Variants in ZNF280D observed in about 807,000 individuals in gnomAD.
The protein encoded by ZNF280D is zinc finger protein 280D.
A neutral mutation model predicts 94.7 loss-of-function variants in ZNF280D; 39 were observed. The ratio of observed to expected loss-of-function variants is 0.41; its 90% confidence interval spans 0.32 to 0.54. The LOEUF (loss-of-function observed/expected upper bound fraction) is 0.54, where lower values mean the gene tolerates loss of function less well. ZNF280D is among the 20% of genes least tolerant of loss of function. The pLI is 0.22. For missense variants in ZNF280D, 1,090 were observed against 1,149.3 expected (o/e 0.95, Z 0.75); for synonymous variants, 398 against 377.6 (o/e 1.05, Z -0.63).
At chr15:56,671,534 T>C (rs1026107464) in intron 13 of ZNF280D, among the ~76,000 whole-genome samples, 5 of 152,150 alleles carry the variant, frequency 3.3e-5, no homozygotes, top group African/African-American at 1.2e-4. Flanking sequence ...CATTGTTCTA[T>C]GCATCTGTTC....
At chr15:56,707,225 C>G in intron 2 of ZNF280D, 38 bp downstream of exon 2, 1 of 1,589,832 alleles carries the variant, frequency 6.3e-7, no homozygotes, top group African/African-American at 1.3e-5. Context: ...ACTTGGGATT[C>G]ACAAATTATT....
chr15:56,665,321 G>C (rs1251035336), intron 16 of ZNF280D, among the ~76,000 whole-genome samples: 1 of 151,844 alleles, frequency 6.6e-6, no homozygotes, highest in Non-Finnish European at 1.5e-5. Flanking sequence ...CAAACTCTCA[G>C]GTTTATATCT....
At chr15:56,721,869 C>T (rs1026412324) in intron 1 of ZNF280D, among the ~76,000 whole-genome samples, 9 of 152,156 alleles carry the variant, frequency 5.9e-5, no homozygotes, top group African/African-American at 1.9e-4. Flanking sequence ...ATGTTTCCTT[C>T]GCAATCACAA....
intron 19 of ZNF280D, chr15:56,653,075 T>G (rs753292047): frequency 1.5e-5 from 15 of 982,260 alleles, no homozygotes; most frequent in Non-Finnish European, 1.8e-5. Flanking sequence ...GAATTAATAC[T>G]GGTTAATAGA....
rs1343852845 is a variant in ZNF280D, at chr15:56,676,776, G to A, written c.1304C>T (p.Thr435Ile). 1 of 1,606,996 alleles carries A rather than the reference G, an allele frequency of 6.2e-7. No individual in the cohort carries two copies. Among genetic ancestry groups the A allele is most frequent in the Non-Finnish European group, 8.5e-7 (1 of 1,175,726 alleles). Reference protein sequence around the residue: ...YRSSSFSDVETHFRTSHENTK... With the variant: ...YRSSSFSDVEIHFRTSHENTK... The stretch of plus-strand genomic sequence containing the variant: ...GTTTTCATGGGATGTTCTAAAATGA[G>A]TTTCTACATCAGAAAATGATGATGA... Residue 435 changes from threonine to isoleucine, a missense_variant, in exon 13 of 22, where the codon ACT becomes ATT. Physicochemically the swap from Thr to Ile is moderately conservative, Grantham distance 89. Transcript: ENST00000267807.
At chr15:56,721,137 A>G (rs1471395258) in intron 1 of ZNF280D, among the ~76,000 whole-genome samples, 1 of 151,982 alleles carries the variant, frequency 6.6e-6, no homozygotes, top group Non-Finnish European at 1.5e-5. Context: ...TAATTTTTAT[A>G]TTTTTAGTAG....
chr15:56,707,266 G>A lies in ZNF280D; in HGVS notation c.-45C>T, dbSNP rs1467532542. 2.6e-6 allele frequency: 4 copies of A among 1,543,890 alleles called. No homozygotes were observed. The highest frequency in any genetic ancestry group is 2.6e-6 in the Non-Finnish European group (3 of 1,147,606). On this transcript the variant is annotated 5_prime_UTR_variant, in exon 2 of 22. Coordinates refer to ENST00000267807, the MANE Select transcript of ZNF280D (RefSeq NM_017661.4). ...TAAGGTTAACCTCTAAACTCACCAT[G>A]TGACTCCAGACAAGCCAGCAAGTTA...
chr15:56,719,886 T>TA (rs35398429), intron 1 of ZNF280D, among the ~76,000 whole-genome samples: 3,457 of 101,638 alleles, frequency 0.034, 104 homozygotes, highest in African/African-American at 0.089. Context: ...ACTTTATTGC[T>TA]AAAAAAAAAA....
intron 17 of ZNF280D, among the ~76,000 whole-genome samples, chr15:56,656,097 T>A (rs1002811525): frequency 6.6e-6 from 1 of 152,168 alleles, no homozygotes; most frequent in African/African-American, 2.4e-5. Context: ...TTGCACTTAT[T>A]AAAACGCATA....
chr15:56,669,949 TTATA>T (rs71209359), intron 13 of ZNF280D, among the ~76,000 whole-genome samples: 2 of 1,428 alleles, frequency 1.4e-3, no homozygotes, highest in African/African-American at 3.6e-3. Context: ...TATATATATA[TTATA>T]TATATATATT....
At chr15:56,694,110 A>T (rs1233977868) in intron 6 of ZNF280D, among the ~76,000 whole-genome samples, 1 of 152,148 alleles carries the variant, frequency 6.6e-6, no homozygotes, top group East Asian at 1.9e-4. Flanking sequence ...GGTCCAAACT[A>T]AAAGGAAGAT....
intron 1 of ZNF280D, among the ~76,000 whole-genome samples, chr15:56,726,634 T>C (rs1363911119): frequency 2.0e-5 from 3 of 152,088 alleles, no homozygotes; most frequent in Admixed American, 1.3e-4. Flanking sequence ...CCAACTATGC[T>C]AAAAAAATAA....
intron 1 of ZNF280D, among the ~76,000 whole-genome samples, chr15:56,718,795 C>T (rs751463513): frequency 6.6e-6 from 1 of 152,164 alleles, no homozygotes; most frequent in South Asian, 2.1e-4. Context: ...CAGTGCTTTG[C>T]TAAAAGCAAG....
At chr15:56,674,882 A>G (rs2055110231) in intron 13 of ZNF280D, among the ~76,000 whole-genome samples, 1 of 152,040 alleles carries the variant, frequency 6.6e-6, no homozygotes, top group Non-Finnish European at 1.5e-5. Flanking sequence ...AAAAGTTACA[A>G]CTGAGTTCTT....
chr15:56,729,877 G>A (rs1013677220), intron 1 of ZNF280D: 4 of 152,142 alleles, frequency 2.6e-5, no homozygotes, highest in South Asian at 2.1e-4. Context: ...TATGCAAAGC[G>A]TTCAAATGTG....
intron 19 of ZNF280D, among the ~76,000 whole-genome samples, chr15:56,645,628 C>T (rs1254388800): frequency 6.6e-6 from 1 of 152,110 alleles, no homozygotes; most frequent in Non-Finnish European, 1.5e-5. Flanking sequence ...CTCACTGCAA[C>T]CTCCACCTCC....
intron 16 of ZNF280D, 152 bp downstream of exon 16, chr15:56,666,243 G>T: frequency 1.5e-6 from 1 of 657,474 alleles, no homozygotes; most frequent in South Asian, 2.1e-5. Context: ...TGAGAAATAG[G>T]ACCAGGCAAT....
chr15:56,717,640 T>C (rs1394601696), intron 1 of ZNF280D, among the ~76,000 whole-genome samples: 1 of 152,154 alleles, frequency 6.6e-6, no homozygotes, highest in Admixed American at 6.6e-5. Flanking sequence ...ATTAAATGCA[T>C]ATATTATTTC....
intron 19 of ZNF280D, chr15:56,653,549 T>A: frequency 6.6e-7 from 1 of 1,519,252 alleles, no homozygotes; most frequent in Non-Finnish European, 8.8e-7. Context: ...AGGGGGACAC[T>A]GTCCAGGTAT....
Sources: allele counts gnomAD v4.1 joint callset (sites outside exome capture counted in the v4.1 genomes callset), GRCh38; gene constraint gnomAD v4.1.1; transcripts MANE v1.5; gene names NCBI Gene and HGNC (gene_info 2026-07-23, HGNC 2026-07-21).